The following CLSTN2 variants were observed in gnomAD, a reference collection of about 807,000 sequenced individuals.
The protein encoded by CLSTN2 is calsyntenin-2.
A neutral mutation model predicts 101.2 loss-of-function variants in CLSTN2; 48 were observed. That is an observed-to-expected ratio of 0.47 (90% confidence interval 0.38 to 0.60). The LOEUF is 0.60. Among genes scored for constraint, CLSTN2 ranks in the 20% least tolerant of loss-of-function variants. The pLI, the probability that CLSTN2 is intolerant of heterozygous loss-of-function variation, is 0.00. For synonymous variants in CLSTN2, 481 were observed against 463.6 expected, an observed-to-expected ratio of 1.04 and a Z score of -0.48; for missense variants, 1,160 against 1,238.2, an observed-to-expected ratio of 0.94 and a Z score of 0.95.
chr3:140,037,516 C>G (rs72981865), intron 1 of CLSTN2, among the ~76,000 whole-genome samples: 9,455 of 149,946 alleles, frequency 0.063, 887 homozygotes, highest in African/African-American at 0.2. Context: ...TTGTTTGTTT[C>G]TTTCTTTCTT....
At chr3:140,421,023 A>G in intron 4 of CLSTN2, 102 bp from the exon 5 acceptor site, 1 of 1,175,372 alleles carries the variant, frequency 8.5e-7, no homozygotes, top group East Asian at 2.4e-5. Flanking sequence ...GAAAAGGGTC[A>G]CTTTCTTCCT....
chr3:140,513,583 C>CA (rs1934857201), intron 8 of CLSTN2, among the ~76,000 whole-genome samples: 1 of 117,768 alleles, frequency 8.5e-6, no homozygotes, highest in Non-Finnish European at 1.7e-5. Context: ...TTTTTTCTTT[C>CA]TTTTTTTTTT....
chr3:140,352,473 C>T (rs1247885933), intron 2 of CLSTN2, among the ~76,000 whole-genome samples: 3 of 152,214 alleles, frequency 2.0e-5, no homozygotes, highest in Admixed American at 6.5e-5. Context: ...TCTCTCACCC[C>T]TATTGTAGCA....
chr3:140,436,615 T>C lies in CLSTN2; in HGVS notation c.788-11904T>C, dbSNP rs2088690293. ...GGGCCCCTGTGGCTTGGGTGTTCCCTGGTCAGGTGAAGAGGGCTAGTCCTG... is the reference window on the plus strand; with the variant it reads ...GGGCCCCTGTGGCTTGGGTGTTCCCCGGTCAGGTGAAGAGGGCTAGTCCTG... On this transcript the variant is annotated intron_variant, in intron 5 of 16. Coordinates refer to ENST00000458420, the MANE Select transcript of CLSTN2 (RefSeq NM_022131.3). Among the ~76,000 whole-genome samples the C allele has an allele frequency of 2.0e-5, 3 of 152,164 alleles. 1 individual carries two copies. The highest frequency in any genetic ancestry group is 7.2e-5 in the African/African-American group (3 of 41,440).
At chr3:140,165,716 C>G (rs762025692) in intron 1 of CLSTN2, among the ~76,000 whole-genome samples, 1 of 152,102 alleles carries the variant, frequency 6.6e-6, no homozygotes, top group Non-Finnish European at 1.5e-5. Flanking sequence ...GCCTGGTATC[C>G]TAGTGGGGGA....
chr3:140,438,096 G>T (rs1181642308), intron 5 of CLSTN2, among the ~76,000 whole-genome samples: 2 of 152,120 alleles, frequency 1.3e-5, no homozygotes, highest in Non-Finnish European at 2.9e-5. Flanking sequence ...TCTTTTTAAT[G>T]CAATGGCAAT....
Position 140,153,954 on chromosome 3 carries a change from A to G in CLSTN2, c.110-21997A>G, listed in dbSNP as rs149531400. Among the ~76,000 whole-genome samples, 608 of 152,298 alleles carry G rather than the reference A, an allele frequency of 4.0e-3. 1 individual carries two copies. The highest frequency in any genetic ancestry group is 0.014 in the African/African-American group (590 of 41,556). On this transcript the variant is annotated intron_variant, in intron 1 of 16. Coordinates refer to ENST00000458420, the MANE Select transcript of CLSTN2 (RefSeq NM_022131.3). ...ATGCTAGCTCATTCACTGACTCAGC[A>G]TATATTTATTGATAGCTGCCATTTC...
intron 4 of CLSTN2, among the ~76,000 whole-genome samples, chr3:140,413,819 G>A (rs2088394864): frequency 6.6e-6 from 1 of 152,042 alleles, no homozygotes; most frequent in Non-Finnish European, 1.5e-5. Flanking sequence ...TATCTCAATA[G>A]ATACAGAAAA....
At position 140,401,394 on chromosome 3, in the gene CLSTN2, A is replaced by G. The variant is rs113254514; in HGVS notation, c.233-2235A>G. 9.5e-3 allele frequency among the ~76,000 whole-genome samples: 1,453 copies of G among 152,384 alleles called. 23 individuals are homozygous for G. Among genetic ancestry groups the G allele is most frequent in the African/African-American group, 0.031 (1,297 of 41,598 alleles). ...GTCTTTGTGTCCTCAGACCTAGCAC[A>G]GTGCCTGAGACTTAGCCCTCGGAAA... On this transcript the variant is annotated intron_variant, in intron 2 of 16. Coordinates refer to ENST00000458420, the MANE Select transcript of CLSTN2 (RefSeq NM_022131.3).
At chr3:140,245,634 C>G (rs551318340) in intron 2 of CLSTN2, among the ~76,000 whole-genome samples, 1 of 142,756 alleles carries the variant, frequency 7.0e-6, no homozygotes, top group Admixed American at 7.4e-5. Flanking sequence ...CATTGCCATG[C>G]CCCAGAGACC....
intron 5 of CLSTN2, among the ~76,000 whole-genome samples, chr3:140,443,991 A>G (rs564652517): frequency 9.3e-4 from 141 of 152,364 alleles, no homozygotes; most frequent in African/African-American, 3.4e-3. Context: ...CCTCAAGGTC[A>G]GACACTGATA....
chr3:140,184,625 A>G (rs1288934626), intron 2 of CLSTN2, among the ~76,000 whole-genome samples: 1 of 152,190 alleles, frequency 6.6e-6, no homozygotes, highest in Non-Finnish European at 1.5e-5. Flanking sequence ...AGCAAGTCTC[A>G]TAGCCAAGCC....
At chr3:139,981,215 T>G (rs543888100) in intron 1 of CLSTN2, among the ~76,000 whole-genome samples, 3 of 152,324 alleles carry the variant, frequency 2.0e-5, no homozygotes, top group Non-Finnish European at 4.4e-5. Context: ...GCATGGGGAA[T>G]AGTGCAGCCA....
At chr3:140,103,969 G>C (rs1008821619) in intron 1 of CLSTN2, among the ~76,000 whole-genome samples, 5 of 152,206 alleles carry the variant, frequency 3.3e-5, no homozygotes, top group Admixed American at 6.5e-5. Flanking sequence ...GATGGAGAAA[G>C]GAGAGGGAAC....
At chr3:140,299,427 T>C (rs957270989) in intron 2 of CLSTN2, among the ~76,000 whole-genome samples, 2 of 152,234 alleles carry the variant, frequency 1.3e-5, no homozygotes, top group Non-Finnish European at 2.9e-5. Flanking sequence ...AATCATAACA[T>C]GCATATACTG....
At chr3:140,507,901 G>T (rs1934715825) in intron 8 of CLSTN2, 2 of 152,130 alleles carry the variant, frequency 1.3e-5, no homozygotes, top group African/African-American at 4.8e-5. Flanking sequence ...TCTTATAGAT[G>T]AAGAAACTAC....
At chr3:140,156,857 C>T (rs1030702565) in intron 1 of CLSTN2, among the ~76,000 whole-genome samples, 5 of 152,170 alleles carry the variant, frequency 3.3e-5, no homozygotes, top group Admixed American at 3.3e-4. Flanking sequence ...TCCTTACTTT[C>T]CCTCACAAAA....
chr3:140,531,567 G>A (rs1190737960), intron 8 of CLSTN2, among the ~76,000 whole-genome samples: 2 of 152,092 alleles, frequency 1.3e-5, no homozygotes, highest in African/African-American at 4.8e-5. Context: ...ACAGGGTGTG[G>A]GGGGATTAGA....
chr3:139,957,921 C>A (rs1412008013), intron 1 of CLSTN2, among the ~76,000 whole-genome samples: 1 of 152,206 alleles, frequency 6.6e-6, no homozygotes, highest in Non-Finnish European at 1.5e-5. Context: ...GGGCGATCCC[C>A]TGTGTCAAAC....
Sources: gnomAD v4.1 joint callset for allele counts (sites outside exome capture counted in the v4.1 genomes callset) on GRCh38, gnomAD v4.1.1 for gene constraint, MANE v1.5 for transcripts, NCBI Gene and HGNC (gene_info 2026-07-23, HGNC 2026-07-21) for gene names.